The following SLC6A15 variants were observed in gnomAD, a reference collection of about 807,000 sequenced individuals.
SLC6A15 encodes sodium-dependent neutral amino acid transporter B(0)AT2.
Under a neutral mutation model 68.5 loss-of-function variants are expected in SLC6A15, and 33 were observed. The observed-to-expected ratio is 0.48, with a 90% confidence interval of 0.37 to 0.64. The LOEUF (loss-of-function observed/expected upper bound fraction) is 0.64. Among genes scored for constraint, SLC6A15 ranks in the 30% least tolerant of loss-of-function variants. SLC6A15 has a pLI of 0.00. For missense variants in SLC6A15, 747 were observed against 874.3 expected, an observed-to-expected ratio of 0.85 and a Z score of 1.84; for synonymous variants, 347 against 301.0, an observed-to-expected ratio of 1.15 and a Z score of -1.58.
In SLC6A15 at chr12:84,872,582, C is replaced by G; in HGVS notation, c.1302+20G>C. The G allele has an allele frequency of 6.3e-7, 1 of 1,590,120 alleles. No homozygotes were observed. The highest frequency in any genetic ancestry group is 8.6e-7 in the Non-Finnish European group (1 of 1,165,872). ...CAAGTGAATGATAATTATTTTATTG[C>G]TCAAACATGGCTTACTAACTTTATT... On this transcript the variant is annotated intron_variant, in intron 8 of 11. Coordinates refer to ENST00000266682, the MANE Select transcript of SLC6A15 (RefSeq NM_182767.6).
At chr12:84,892,490 T>C (rs561179442) in intron 1 of SLC6A15, among the ~76,000 whole-genome samples, 182 bp from the exon 2 acceptor site, 1 of 152,338 alleles carries the variant, frequency 6.6e-6, no homozygotes, top group Non-Finnish European at 1.5e-5. Flanking sequence ...CTTATGAGCT[T>C]CAAATACAAT....
intron 1 of SLC6A15, among the ~76,000 whole-genome samples, chr12:84,893,346 C>A (rs1872505713): frequency 6.6e-6 from 1 of 152,022 alleles, no homozygotes; most frequent in South Asian, 2.1e-4. Context: ...AAGAAATGCT[C>A]AAAATGTACA....
At chr12:84,908,945 A>G (rs1487893486) in intron 1 of SLC6A15, among the ~76,000 whole-genome samples, 1 of 152,136 alleles carries the variant, frequency 6.6e-6, no homozygotes, top group Non-Finnish European at 1.5e-5. Flanking sequence ...ATGGTATACC[A>G]TATATTTAGA....
At chr12:84,886,837 T>C (rs1176198073) in intron 2 of SLC6A15, among the ~76,000 whole-genome samples, 1 of 152,256 alleles carries the variant, frequency 6.6e-6, no homozygotes, top group Non-Finnish European at 1.5e-5. Context: ...CATATGACTA[T>C]GACTAGTGAT....
chr12:84,866,930 T>C, intron 10 of SLC6A15, 104 bp downstream of exon 10: 1 of 1,019,658 alleles, frequency 9.8e-7, no homozygotes, highest in Non-Finnish European at 1.4e-6. Flanking sequence ...TAAAGAATTG[T>C]TCCCTCTATT....
In SLC6A15 at chr12:84,861,649, G is replaced by C. The variant is rs1425841988; in HGVS notation, c.2176C>G (p.Pro726Ala). The C allele has an allele frequency of 6.3e-7, 1 of 1,596,872 alleles. No individual in the cohort carries two copies. Among genetic ancestry groups the C allele is most frequent in the Non-Finnish European group, 8.6e-7 (1 of 1,168,108 alleles). The change falls in exon 12 of 12, where the codon CCA becomes GCA. Residue 726 changes from proline to alanine, a missense_variant. Coordinates refer to ENST00000266682, the MANE Select transcript of SLC6A15 (RefSeq NM_182767.6). ...YLMADIMPDM[P>A]ESDL ...TCCCCCAGCTACAAATCAGATTCTG[G>C]CATATCTGGCATAATATCTGCCATC...
At position 84,882,049 on chromosome 12, in the gene SLC6A15, GAGA is replaced by G. The variant is rs1334067775; in HGVS notation, c.756+1807_756+1809del. 5 of 984,778 alleles carry G rather than the reference GAGA, an allele frequency of 5.1e-6. No homozygotes were observed. In the African/African-American group the frequency reaches 8.7e-5, roughly 17 times the overall value. 61.0% of individuals were successfully genotyped at this position (984,778 alleles called of 1,614,324 possible). The stretch of plus-strand genomic sequence containing the variant: ...TATATAAATTTACACTACATGACAT[GAGA>G]AGAACAACCCCAAGATTCTGTGATA... On this transcript the variant is annotated intron_variant, in intron 5 of 11. Coordinates refer to ENST00000266682, the MANE Select transcript of SLC6A15 (RefSeq NM_182767.6).
Position 84,867,189 on chromosome 12 carries a change from G to A in SLC6A15, c.1500C>T (p.Ile500=). 6.3e-7 allele frequency: 1 copy of A among 1,591,390 alleles called. No individual in the cohort carries two copies. ...CAATACAAAATGCCAGAAGACAACA[G>A]ATAACTAGACAAAAGAAATAAATGA... is the stretch of plus-strand genomic sequence containing the variant. The part of the protein sequence containing the change: ...FKVRKEILTV[I]CCLLAFCIGL... Residue 500 remains isoleucine, a synonymous_variant, in exon 10 of 12, where the codon ATC becomes ATT. Coordinates refer to ENST00000266682, the MANE Select transcript of SLC6A15 (RefSeq NM_182767.6).
chr12:84,884,007 G>A lies in SLC6A15; in HGVS notation c.608C>T (p.Thr203Ile). 1.2e-6 allele frequency: 2 copies of A among 1,614,126 alleles called. No individual in the cohort carries two copies. The highest frequency in any genetic ancestry group is 1.7e-6 in the Non-Finnish European group (2 of 1,179,996). The part of the protein sequence containing the change: ...VEPECEQSSA[T>I]TYYWYREALN... ...TGCTTCCCTGTACCAGTAATAGGTGGTGGCAGAACTTTGTTCACATTCTGG... is the reference window on the plus strand; with the variant it reads ...TGCTTCCCTGTACCAGTAATAGGTGATGGCAGAACTTTGTTCACATTCTGG... Residue 203 changes from threonine to isoleucine, a missense_variant, in exon 5 of 12, where the codon ACC becomes ATC. By Grantham distance (89) the Thr-to-Ile change is moderately conservative. Coordinates refer to ENST00000266682, the MANE Select transcript of SLC6A15 (RefSeq NM_182767.6).
chr12:84,878,796 T>G (rs1403881954), intron 5 of SLC6A15, among the ~76,000 whole-genome samples: 3 of 147,272 alleles, frequency 2.0e-5, no homozygotes, highest in Admixed American at 1.3e-4. Flanking sequence ...AACCAACTGA[T>G]CACCACACCC....
chr12:84,862,886 C>T (rs182578823), intron 11 of SLC6A15, among the ~76,000 whole-genome samples: 6 of 152,162 alleles, frequency 3.9e-5, no homozygotes, highest in Admixed American at 3.9e-4. Flanking sequence ...AACTCCTAGG[C>T]TCAAGCTATC....
intron 5 of SLC6A15, among the ~76,000 whole-genome samples, chr12:84,880,530 C>A (rs956481305): frequency 2.0e-5 from 3 of 152,098 alleles, no homozygotes; most frequent in Admixed American, 6.6e-5. Flanking sequence ...CATTGTTTAC[C>A]TTGTTAGTTG....
intron 1 of SLC6A15, chr12:84,912,046 T>TC (rs1298118695): frequency 1.3e-5 from 2 of 152,224 alleles, no homozygotes; most frequent in Admixed American, 6.6e-5. Flanking sequence ...CTCTCTGCTC[T>TC]CCCCGCCCCA....
chr12:84,876,344 T>G (rs1452725729), intron 6 of SLC6A15, among the ~76,000 whole-genome samples, 153 bp downstream of exon 6: 1 of 152,122 alleles, frequency 6.6e-6, no homozygotes, highest in Non-Finnish European at 1.5e-5. Flanking sequence ...ACATAAAAAA[T>G]GCTGGTTTTT....
At chr12:84,866,107 AC>A (rs1871053542) in intron 10 of SLC6A15, among the ~76,000 whole-genome samples, 1 of 152,188 alleles carries the variant, frequency 6.6e-6, no homozygotes, top group Non-Finnish European at 1.5e-5. Flanking sequence ...CTCATTCAAT[AC>A]CCACAATATT....
intron 1 of SLC6A15, among the ~76,000 whole-genome samples, chr12:84,894,809 A>AT (rs1352759320): frequency 2.0e-5 from 3 of 152,094 alleles, no homozygotes; most frequent in Non-Finnish European, 2.9e-5. Flanking sequence ...CATATTTTCT[A>AT]TTTTAAAAAA....
intron 8 of SLC6A15, among the ~76,000 whole-genome samples, chr12:84,871,423 G>C (rs1871279403): frequency 6.6e-6 from 1 of 151,586 alleles, no homozygotes; most frequent in Admixed American, 6.6e-5. Flanking sequence ...ACTCCAATTG[G>C]GCAGAAAGAA....
intron 2 of SLC6A15, among the ~76,000 whole-genome samples, chr12:84,890,862 A>T (rs1872356624): frequency 6.6e-6 from 1 of 152,206 alleles, no homozygotes; most frequent in South Asian, 2.1e-4. Context: ...AAATACCAAA[A>T]TATTCTTTAT....
At chr12:84,862,962 T>C (rs545565619) in intron 11 of SLC6A15, among the ~76,000 whole-genome samples, 1 of 152,230 alleles carries the variant, frequency 6.6e-6, no homozygotes, top group South Asian at 2.1e-4. Flanking sequence ...GCTAATTTTT[T>C]TCATCTTTTG....
Sources: allele counts gnomAD v4.1 joint callset (sites outside exome capture counted in the v4.1 genomes callset), GRCh38; gene constraint gnomAD v4.1.1; transcripts MANE v1.5; gene names NCBI Gene and HGNC (gene_info 2026-07-23, HGNC 2026-07-21).